Variants in GALNT8 observed in about 807,000 individuals in gnomAD.
GALNT8 encodes polypeptide N-acetylgalactosaminyltransferase 8, also known as probable polypeptide N-acetylgalactosaminyltransferase 8.
GALNT8 carries 66 observed loss-of-function variants against 62.7 expected under a neutral mutation model. That is an observed-to-expected ratio of 1.05 (90% CI 0.86 to 1.29). The LOEUF (loss-of-function observed/expected upper bound fraction) is 1.29, where lower values mean the gene tolerates loss of function less well. Among genes scored for constraint, GALNT8 ranks in the 50% most tolerant of loss-of-function variants. The pLI, the probability that GALNT8 is intolerant of heterozygous loss-of-function variation, is 0.00. For missense variants in GALNT8, 771 were observed against 791.8 expected (o/e 0.97, Z 0.32); for synonymous variants, 288 against 294.3 (o/e 0.98, Z 0.22).
At chr12:4,760,175 A>T (rs1203765998) in intron 6 of GALNT8, among the ~76,000 whole-genome samples, 2 of 152,198 alleles carry the variant, frequency 1.3e-5, no homozygotes, top group Non-Finnish European at 2.9e-5. Context: ...TTGGGTTCTC[A>T]TCTGGGCTCC....
At chr12:4,729,859 C>T (rs11063319) in intron 2 of GALNT8, among the ~76,000 whole-genome samples, 1 of 151,942 alleles carries the variant, frequency 6.6e-6, no homozygotes, top group Non-Finnish European at 1.5e-5. Flanking sequence ...TGCAATGGTT[C>T]TATTTTTTCC....
At chr12:4,748,234 A>G (rs1337594732) in intron 6 of GALNT8, among the ~76,000 whole-genome samples, 3 of 151,852 alleles carry the variant, frequency 2.0e-5, no homozygotes, top group Admixed American at 2.0e-4. Flanking sequence ...ATGTTATTCC[A>G]TTTGTCAATG....
At chr12:4,761,906 C>T (rs1946374943) in intron 7 of GALNT8, among the ~76,000 whole-genome samples, 1 of 152,002 alleles carries the variant, frequency 6.6e-6, no homozygotes, top group South Asian at 2.1e-4. Context: ...AATGTAGCCC[C>T]CAGAAAGACA....
At chr12:4,765,741 C>G (rs1169220201) in intron 10 of GALNT8, among the ~76,000 whole-genome samples, 195 bp downstream of exon 10, 1 of 152,148 alleles carries the variant, frequency 6.6e-6, no homozygotes, top group African/African-American at 2.4e-5. Context: ...CCATTCTAAC[C>G]TACAGTCTGG....
chr12:4,758,038 C>T (rs866906323), intron 6 of GALNT8, among the ~76,000 whole-genome samples: 1 of 152,168 alleles, frequency 6.6e-6, no homozygotes, highest in Non-Finnish European at 1.5e-5. Flanking sequence ...CCCAAACACA[C>T]ACAGAACACT....
chr12:4,751,018 G>A (rs1210865063), intron 6 of GALNT8, among the ~76,000 whole-genome samples: 1 of 152,052 alleles, frequency 6.6e-6, no homozygotes, highest in Non-Finnish European at 1.5e-5. Flanking sequence ...ACAAAAACAA[G>A]CAATGGGGAA....
intron 6 of GALNT8, among the ~76,000 whole-genome samples, chr12:4,754,387 GTGACTGAGCT>G (rs1315571010): frequency 6.6e-6 from 1 of 152,060 alleles, no homozygotes; most frequent in Admixed American, 6.5e-5. Flanking sequence ...TTATTATATT[GTGACTGAGCT>G]TGACTGAGCT....
chr12:4,757,526 G>T (rs1946350544), intron 6 of GALNT8, among the ~76,000 whole-genome samples: 1 of 152,180 alleles, frequency 6.6e-6, no homozygotes, highest in African/African-American at 2.4e-5. Flanking sequence ...TGGTGGTCCT[G>T]CCACACTCAA....
chr12:4,724,573 T>A (rs1265806242), intron 1 of GALNT8, among the ~76,000 whole-genome samples: 2 of 152,224 alleles, frequency 1.3e-5, no homozygotes, highest in Admixed American at 6.5e-5. Context: ...GGCCCCTGTA[T>A]GCTTAGGACA....
intron 10 of GALNT8, among the ~76,000 whole-genome samples, chr12:4,769,343 A>G (rs1331113021): frequency 6.6e-6 from 1 of 152,190 alleles, no homozygotes; most frequent in Non-Finnish European, 1.5e-5. Flanking sequence ...GGAAAACCAG[A>G]CACTCCTCAG....
intron 6 of GALNT8, 41 bp from the exon 7 acceptor site, chr12:4,760,917 T>A: frequency 2.6e-6 from 4 of 1,556,914 alleles, no homozygotes; most frequent in Non-Finnish European, 3.5e-6. Flanking sequence ...TGCAATTCAT[T>A]GGCTGTGAAG....
rs749166176 is a variant in GALNT8 at position 4,761,108 on chromosome 12, C to T, written c.1324C>T (p.His442Tyr). Residue 442 changes from histidine (H) to tyrosine (Y), a missense_variant, in exon 7 of 11, where the codon CAC becomes TAC. His to Tyr is a moderately conservative substitution (Grantham distance 83). Transcript: ENST00000252318. ...VAEIWMDEHK[H>Y]MVYLAWNIPL... ...CGAAATCTGGATGGATGAGCACAAACACATGGTCTACTTGGCCTGGAACAT... is the reference window on the plus strand; with the variant it reads ...CGAAATCTGGATGGATGAGCACAAATACATGGTCTACTTGGCCTGGAACAT... 7.4e-6 allele frequency: 12 copies of T among 1,613,958 alleles called. No homozygotes were observed. Among genetic ancestry groups the T allele is most frequent in the Non-Finnish European group, 9.3e-6 (11 of 1,180,006 alleles).
intron 10 of GALNT8, among the ~76,000 whole-genome samples, chr12:4,770,038 C>G (rs371759540): frequency 5.6e-4 from 85 of 152,326 alleles, no homozygotes; most frequent in African/African-American, 2.0e-3. Context: ...GTGGCTCACG[C>G]CTATAACCCC....
intron 6 of GALNT8, among the ~76,000 whole-genome samples, chr12:4,748,722 A>G (rs559048272): frequency 1.9e-4 from 29 of 152,282 alleles, no homozygotes; most frequent in South Asian, 1.0e-3. Flanking sequence ...GCAGTTCCAC[A>G]TAAATTTTAG....
intron 9 of GALNT8, among the ~76,000 whole-genome samples, chr12:4,764,530 A>ATTTTTTTTTT (rs58809573): frequency 9.8e-6 from 1 of 102,248 alleles, no homozygotes; most frequent in African/African-American, 4.0e-5. Context: ...CAGTCAGGGG[A>ATTTTTTTTTT]TTTTTTTTTT....
chr12:4,760,981 C>T lies in GALNT8; in HGVS notation c.1197C>T (p.Val399=), dbSNP rs767214354. 22 of 1,613,776 alleles carry T rather than the reference C, an allele frequency of 1.4e-5. No homozygotes were observed. The highest frequency in any genetic ancestry group is 1.6e-4 in the Middle Eastern group (1 of 6,080). The change falls in exon 7 of 11, where the codon GTC becomes GTT. Residue 399 remains valine, a synonymous_variant. Transcript: ENST00000252318. Reference sequence around the variant, plus strand: ...AGGTGTGGCAGTGTGGAGGGAAGGTCGAGATTTTGCCCTGTTCCCGGATTG... The same window carrying T: ...AGGTGTGGCAGTGTGGAGGGAAGGTTGAGATTTTGCCCTGTTCCCGGATTG... ...SLRVWQCGGK[V]EILPCSRIAH... is the part of the protein sequence containing the mutation.
At chr12:4,740,942 G>A (rs775264093) in intron 3 of GALNT8, among the ~76,000 whole-genome samples, 12 of 152,174 alleles carry the variant, frequency 7.9e-5, no homozygotes, top group African/African-American at 2.9e-4. Context: ...ATTATGTAAC[G>A]CATTTTGCAC....
At chr12:4,766,762 G>A (rs780665420) in intron 10 of GALNT8, among the ~76,000 whole-genome samples, 6 of 151,902 alleles carry the variant, frequency 3.9e-5, no homozygotes, top group Non-Finnish European at 5.9e-5. Flanking sequence ...CTCTGAATGC[G>A]GTACTATGCT....
At chr12:4,729,902 T>C (rs1292284244) in intron 2 of GALNT8, among the ~76,000 whole-genome samples, 2 of 152,202 alleles carry the variant, frequency 1.3e-5, no homozygotes, top group Non-Finnish European at 2.9e-5. Context: ...TCTTTTATTT[T>C]TTGATAGTAG....
Sources: gnomAD v4.1 joint callset for allele counts (sites outside exome capture counted in the v4.1 genomes callset) on GRCh38, gnomAD v4.1.1 for gene constraint, MANE v1.5 for transcripts, NCBI Gene and HGNC (gene_info 2026-07-23, HGNC 2026-07-21) for gene names.